The following HS3ST5 variants were observed in gnomAD, a reference collection of about 807,000 sequenced individuals.
The protein encoded by HS3ST5 is heparan sulfate-glucosamine 3-sulfotransferase 5.
In HS3ST5, 10 loss-of-function variants were observed where a neutral mutation model predicts 25.4. The ratio of observed to expected loss-of-function variants is 0.39; its 90% CI spans 0.24 to 0.67. HS3ST5 has a LOEUF of 0.67. HS3ST5 is among the 30% of genes least tolerant of loss of function. The probability of loss-of-function intolerance (pLI) is 0.44; values close to 1 mark genes in which losing one functional copy is unlikely to be tolerated. For missense variants in HS3ST5, 324 were observed against 420.7 expected, an observed-to-expected ratio of 0.77 and a Z score of 2.01; for synonymous variants, 170 against 162.4, an observed-to-expected ratio of 1.05 and a Z score of -0.36.
At chr6:114,241,008 C>T (rs548572745) in intron 1 of HS3ST5, among the ~76,000 whole-genome samples, 4 of 151,474 alleles carry the variant, frequency 2.6e-5, no homozygotes, top group Non-Finnish European at 5.9e-5. Flanking sequence ...CAATGACTCA[C>T]TAATGAAAAG....
intron 1 of HS3ST5, among the ~76,000 whole-genome samples, chr6:114,282,618 A>C (rs1006112325): frequency 1.3e-5 from 2 of 151,984 alleles, no homozygotes; most frequent in African/African-American, 4.8e-5. Flanking sequence ...AGCCCATGTT[A>C]ATACACTGTA....
intron 3 of HS3ST5, among the ~76,000 whole-genome samples, chr6:114,154,855 G>A (rs567035282): frequency 7.9e-5 from 12 of 152,148 alleles, no homozygotes; most frequent in Non-Finnish European, 1.5e-4. Flanking sequence ...AGTCTTCCCT[G>A]ACTGCCATAC....
chr6:114,165,538 T>C (rs1460105843), intron 3 of HS3ST5, among the ~76,000 whole-genome samples: 1 of 152,194 alleles, frequency 6.6e-6, no homozygotes, highest in Non-Finnish European at 1.5e-5. Context: ...CCTCTAATCA[T>C]TTCAAAGCTA....
At chr6:114,288,905 C>T (rs1055575936) in intron 1 of HS3ST5, among the ~76,000 whole-genome samples, 1 of 152,062 alleles carries the variant, frequency 6.6e-6, no homozygotes. Context: ...CTGCTTCCCA[C>T]AATAGCACAG....
chr6:114,114,744 G>A (rs567532977), intron 3 of HS3ST5, among the ~76,000 whole-genome samples: 12 of 152,054 alleles, frequency 7.9e-5, no homozygotes, highest in African/African-American at 2.9e-4. Flanking sequence ...ATTACTTAGA[G>A]GACAAAAATA....
chr6:114,259,798 G>T (rs757763610), intron 1 of HS3ST5, among the ~76,000 whole-genome samples: 6 of 152,050 alleles, frequency 3.9e-5, no homozygotes, highest in Non-Finnish European at 8.8e-5. Context: ...TGAGGAACAC[G>T]TGCATCAATC....
At chr6:114,063,012 A>C in intron 3 of HS3ST5, 135 bp from the exon 4 acceptor site, 2 of 564,030 alleles carry the variant, frequency 3.5e-6, no homozygotes, top group Non-Finnish European at 6.4e-6. Context: ...CACAAGTGTC[A>C]TGATGTAACA....
intron 3 of HS3ST5, chr6:114,167,514 AG>A (rs1779274957): frequency 6.6e-6 from 1 of 152,164 alleles, no homozygotes; most frequent in Admixed American, 6.5e-5. Context: ...AAGGCATAAC[AG>A]TTTTAACAAA....
chr6:114,069,211 C>T (rs937752519), intron 3 of HS3ST5, among the ~76,000 whole-genome samples: 4 of 152,216 alleles, frequency 2.6e-5, no homozygotes, highest in African/African-American at 9.6e-5. Flanking sequence ...AATCATAACC[C>T]TCTTTTGAGT....
chr6:114,134,268 G>A (rs951019182), intron 3 of HS3ST5, among the ~76,000 whole-genome samples: 10 of 152,150 alleles, frequency 6.6e-5, no homozygotes, highest in South Asian at 2.1e-4. Context: ...CATGAGGAGC[G>A]TATGATTATT....
intron 2 of HS3ST5, among the ~76,000 whole-genome samples, chr6:114,194,868 C>T (rs1024317834): frequency 6.6e-6 from 1 of 152,144 alleles, no homozygotes; most frequent in Non-Finnish European, 1.5e-5. Context: ...CCTATTTGTC[C>T]CACCCTCAAA....
At chr6:114,292,870 G>A (rs1386595851) in intron 1 of HS3ST5, among the ~76,000 whole-genome samples, 2 of 151,712 alleles carry the variant, frequency 1.3e-5, no homozygotes, top group Non-Finnish European at 2.9e-5. Context: ...TAATGTAAAT[G>A]CTATATAAAT....
At chr6:114,337,429 C>A (rs771520302) in intron 1 of HS3ST5, among the ~76,000 whole-genome samples, 3 of 152,140 alleles carry the variant, frequency 2.0e-5, no homozygotes, top group Non-Finnish European at 4.4e-5. Flanking sequence ...ACATTGACCT[C>A]TGTGCAAGAG....
rs1017214467 is a variant in HS3ST5, at chr6:114,230,363, T to G, written c.-338-1585A>C. ...AAAATCTCAGTAAGAGACTTAAGTTTCACCTCAAAGTTCATTATTCTTATC... is the reference window on the plus strand; with the variant it reads ...AAAATCTCAGTAAGAGACTTAAGTTGCACCTCAAAGTTCATTATTCTTATC... On this transcript the variant is annotated intron_variant, in intron 1 of 4. Transcript: ENST00000312719. The G allele has an allele frequency of 5.3e-5, 8 of 152,204 alleles. No individual in the cohort carries two copies. In the East Asian group the frequency reaches 1.5e-3, roughly 29 times the overall value. 9.4% of individuals were successfully genotyped at this position (152,204 alleles called of 1,614,324 possible). A position where few individuals can be genotyped will look rare whatever the true frequency, so the allele number is the denominator to read the frequency against.
At chr6:114,155,587 GATATA>G (rs1778662694) in intron 3 of HS3ST5, among the ~76,000 whole-genome samples, 1 of 152,196 alleles carries the variant, frequency 6.6e-6, no homozygotes, top group Non-Finnish European at 1.5e-5. Context: ...CTATAAAACA[GATATA>G]ATTAGAGTGT....
chr6:114,155,614 A>G (rs536335249), intron 3 of HS3ST5, among the ~76,000 whole-genome samples: 1 of 152,256 alleles, frequency 6.6e-6, no homozygotes, highest in East Asian at 1.9e-4. Context: ...GACCTCATCT[A>G]CCCTTTAAGC....
At chr6:114,219,706 A>G (rs1268880555) in intron 2 of HS3ST5, among the ~76,000 whole-genome samples, 1 of 152,304 alleles carries the variant, frequency 6.6e-6, no homozygotes, top group Non-Finnish European at 1.5e-5. Context: ...GAGAATGCTA[A>G]TAATTGGGCA....
chr6:114,127,885 G>T (rs7758973), intron 3 of HS3ST5, among the ~76,000 whole-genome samples: 113,328 of 149,598 alleles, frequency 0.76, 43,398 homozygotes, highest in Middle Eastern at 0.88. Flanking sequence ...CTTATATATA[G>T]AGAGAGAGAG....
chr6:114,158,950 T>C (rs1036266530), intron 3 of HS3ST5, among the ~76,000 whole-genome samples: 13 of 152,218 alleles, frequency 8.5e-5, no homozygotes, highest in African/African-American at 3.1e-4. Flanking sequence ...CAGATGCAAA[T>C]GCAAATAGAG....
Sources: allele counts gnomAD v4.1 joint callset (sites outside exome capture counted in the v4.1 genomes callset), GRCh38; gene constraint gnomAD v4.1.1; transcripts MANE v1.5; gene names NCBI Gene and HGNC (gene_info 2026-07-23, HGNC 2026-07-21).